The following GABRB2 variants were observed in gnomAD, a reference collection of about 807,000 sequenced individuals.
GABRB2 encodes gamma-aminobutyric acid type A receptor subunit beta2, also known as gamma-aminobutyric acid receptor subunit beta-2.
A neutral mutation model predicts 54.7 loss-of-function variants in GABRB2; 16 were observed. The observed-to-expected ratio is 0.29, with a 90% CI of 0.20 to 0.44. The LOEUF (loss-of-function observed/expected upper bound fraction) is 0.44, where lower values mean the gene tolerates loss of function less well. Ranked by LOEUF, GABRB2 falls within the 20% of genes least tolerant of loss-of-function variation. The pLI is 1.00. For missense variants in GABRB2, 355 were observed against 644.0 expected (o/e 0.55, Z 4.86); for synonymous variants, 244 against 233.8 (o/e 1.04, Z -0.40).
intron 3 of GABRB2, among the ~76,000 whole-genome samples, chr5:161,483,767 T>C (rs1436355999): frequency 6.6e-6 from 1 of 151,888 alleles, no homozygotes; most frequent in Non-Finnish European, 1.5e-5. Flanking sequence ...TACAGTAAAA[T>C]GTTAAAAGTG....
In GABRB2 at chr5:161,525,466, A is replaced by C. The variant is rs547919107; in HGVS notation, c.237+19761T>G. 2.0e-5 allele frequency among the ~76,000 whole-genome samples: 3 copies of C among 151,398 alleles called. No individual in the cohort carries two copies. The East Asian group carries it at 5.8e-4, about 29-fold the overall frequency. On this transcript the variant is annotated intron_variant, in intron 3 of 9. Coordinates refer to ENST00000393959, the MANE Select transcript of GABRB2 (RefSeq NM_001371727.1). Reference sequence around the variant, plus strand: ...CTATTTACGAAAGTATTTTCTCTGTATTTTTTACAAAAATATACAGAACTA... The same window carrying C: ...CTATTTACGAAAGTATTTTCTCTGTCTTTTTTACAAAAATATACAGAACTA...
At chr5:161,411,121 A>T in intron 4 of GABRB2, 64 bp from the exon 5 acceptor site, 1 of 1,230,404 alleles carries the variant, frequency 8.1e-7, no homozygotes. Flanking sequence ...GGAAATTTAA[A>T]TCTAAGTATC....
chr5:161,471,149 A>C (rs961501212), intron 3 of GABRB2, among the ~76,000 whole-genome samples: 5 of 151,970 alleles, frequency 3.3e-5, no homozygotes, highest in Admixed American at 2.6e-4. Flanking sequence ...CAGTTCTACC[A>C]ACCAAGGTCC....
intron 5 of GABRB2, among the ~76,000 whole-genome samples, chr5:161,372,303 G>A (rs926059462): frequency 6.6e-6 from 1 of 152,184 alleles, no homozygotes. Context: ...GCATGGCCAG[G>A]ATCATCTGCA....
chr5:161,493,795 C>T (rs1759146943), intron 3 of GABRB2, among the ~76,000 whole-genome samples: 1 of 151,654 alleles, frequency 6.6e-6, no homozygotes, highest in South Asian at 2.1e-4. Context: ...AAGTATCTGA[C>T]CAACTTCATG....
chr5:161,417,160 T>TA (rs1462349097), intron 4 of GABRB2, among the ~76,000 whole-genome samples: 1 of 152,212 alleles, frequency 6.6e-6, no homozygotes, highest in Non-Finnish European at 1.5e-5. Context: ...AAAATGGAAA[T>TA]AATATCTTAC....
chr5:161,360,446 C>CT (rs548638794), intron 5 of GABRB2, among the ~76,000 whole-genome samples: 34 of 152,280 alleles, frequency 2.2e-4, no homozygotes, highest in African/African-American at 7.7e-4. Flanking sequence ...GATCATAATA[C>CT]TTGTAATATG....
At chr5:161,362,536 A>G (rs1009283190) in intron 5 of GABRB2, among the ~76,000 whole-genome samples, 20 of 152,196 alleles carry the variant, frequency 1.3e-4, no homozygotes, top group African/African-American at 4.6e-4. Flanking sequence ...AATGGGATCT[A>G]ATTAAACTAA....
rs562146976 is a variant in GABRB2, at chr5:161,384,428, A to G, written c.541+26547T>C. Among the ~76,000 whole-genome samples, 126 of 152,226 alleles carry G rather than the reference A, an allele frequency of 8.3e-4. 3 individuals are homozygous for G. Among genetic ancestry groups the G allele is most frequent in the African/African-American group, 2.8e-3 (117 of 41,534 alleles). ...GACATGCTTATCAGTTTGTCTTTGT[A>G]TTGATTAGGTTAAGACAGAAAAGTG... On this transcript the variant is annotated intron_variant, in intron 5 of 9. Coordinates refer to ENST00000393959, the MANE Select transcript of GABRB2 (RefSeq NM_001371727.1).
intron 3 of GABRB2, among the ~76,000 whole-genome samples, chr5:161,513,005 C>A (rs1234213284): frequency 6.6e-6 from 1 of 151,428 alleles, no homozygotes; most frequent in African/African-American, 2.4e-5. Flanking sequence ...CAGTGAGATA[C>A]CATCACACAC....
Position 161,336,773 on chromosome 5 carries a change from T to C in GABRB2, c.542-4A>G. 1 of 1,601,730 alleles carries C rather than the reference T, an allele frequency of 6.2e-7. No individual in the cohort carries two copies. The highest frequency in any genetic ancestry group is 8.5e-7 in the Non-Finnish European group (1 of 1,176,920). On this transcript the variant is annotated splice_polypyrimidine_tract_variant and splice_region_variant and intron_variant, in intron 5 of 9. Coordinates refer to ENST00000393959, the MANE Select transcript of GABRB2 (RefSeq NM_001371727.1). ...ATGTCATCAGTTGTGTATCCATCTG[T>C]GAAAGGAAACATACACACACACACA...
At chr5:161,538,811 A>G (rs1021399418) in intron 3 of GABRB2, among the ~76,000 whole-genome samples, 1 of 151,462 alleles carries the variant, frequency 6.6e-6, no homozygotes, top group African/African-American at 2.5e-5. Context: ...ACAAAGCGAG[A>G]CAACTGTCTC....
intron 5 of GABRB2, 93 bp downstream of exon 5, chr5:161,410,882 G>T: frequency 1.1e-6 from 1 of 897,370 alleles, no homozygotes; most frequent in Admixed American, 2.2e-5. Context: ...ACCTTTGCAG[G>T]GCCTGTGGTC....
chr5:161,327,971 G>C (rs2113392373), intron 8 of GABRB2, among the ~76,000 whole-genome samples: 1 of 152,246 alleles, frequency 6.6e-6, no homozygotes, highest in South Asian at 2.1e-4. Flanking sequence ...GGAGCAATGT[G>C]GACCTCCTCT....
At chr5:161,342,667 C>T (rs756832131) in intron 5 of GABRB2, among the ~76,000 whole-genome samples, 13 of 152,026 alleles carry the variant, frequency 8.6e-5, no homozygotes, top group African/African-American at 2.4e-4. Context: ...TGCAATTATT[C>T]ACACATTTTA....
At chr5:161,456,956 T>G (rs1278863743) in intron 4 of GABRB2, among the ~76,000 whole-genome samples, 2 of 152,204 alleles carry the variant, frequency 1.3e-5, no homozygotes, top group African/African-American at 2.4e-5. Context: ...AGCTAGAAAT[T>G]AAATAGAATA....
intron 5 of GABRB2, among the ~76,000 whole-genome samples, chr5:161,350,116 G>T (rs73797581): frequency 1.3e-5 from 2 of 152,034 alleles, no homozygotes; most frequent in Non-Finnish European, 2.9e-5. Flanking sequence ...ACTTAATGGA[G>T]AAAAGTTTAA....
chr5:161,450,790 A>T (rs1045117669), intron 4 of GABRB2, among the ~76,000 whole-genome samples: 4 of 152,304 alleles, frequency 2.6e-5, no homozygotes, highest in African/African-American at 9.6e-5. Flanking sequence ...CAATCATGGA[A>T]AACATATTTT....
chr5:161,529,280 C>A (rs1166154983), intron 3 of GABRB2, among the ~76,000 whole-genome samples: 1 of 151,960 alleles, frequency 6.6e-6, no homozygotes, highest in African/African-American at 2.4e-5. Context: ...TATTTACGTT[C>A]TATTTGTTCG....
Sources: gnomAD v4.1 joint callset for allele counts (sites outside exome capture counted in the v4.1 genomes callset) on GRCh38, gnomAD v4.1.1 for gene constraint, MANE v1.5 for transcripts, NCBI Gene and HGNC (gene_info 2026-07-23, HGNC 2026-07-21) for gene names.